The following IRAG2 variants were observed in gnomAD, a reference collection of about 807,000 sequenced individuals.
The protein encoded by IRAG2 is inositol 1,4,5-triphosphate receptor associated 2.
A neutral mutation model predicts 69.9 loss-of-function variants in IRAG2; 45 were observed. That is an observed-to-expected ratio of 0.64 (90% CI 0.51 to 0.83). IRAG2 has a LOEUF of 0.83. Ranked by LOEUF, IRAG2 falls within the 40% of genes least tolerant of loss-of-function variation. IRAG2 has a pLI of 0.00. For synonymous variants in IRAG2, 193 were observed against 202.4 expected (o/e 0.95, Z 0.40); for missense variants, 520 against 587.0 (o/e 0.89, Z 1.18).
intron 2 of IRAG2, chr12:25,011,328 C>G (rs1944473147): frequency 1.6e-6 from 2 of 1,228,712 alleles, no homozygotes; most frequent in South Asian, 4.1e-5. Flanking sequence ...AAAAATATAA[C>G]TTTTCTGTCT....
chr12:25,015,088 G>GAAAAAAAAAAAAAAAAAAAAAAAAAAACA, intron 3 of IRAG2: 1 of 50,218 alleles, frequency 2.0e-5, no homozygotes, highest in Non-Finnish European at 3.3e-5. Context: ...GCATAAATCT[G>GAAAAAAAAAAAAAAAAAAAAAAAAAAACA]AAAAAAAAAA....
At chr12:25,039,983 C>T (rs891693421) in intron 16 of IRAG2, among the ~76,000 whole-genome samples, 3 of 152,306 alleles carry the variant, frequency 2.0e-5, no homozygotes, top group African/African-American at 7.2e-5. Flanking sequence ...GGGATTCAGA[C>T]CTAGTTCTGT....
intron 16 of IRAG2, among the ~76,000 whole-genome samples, chr12:25,042,613 G>A (rs533864169): frequency 2.4e-4 from 37 of 151,898 alleles, no homozygotes; most frequent in Non-Finnish European, 4.4e-4. Context: ...CTACAGGCAC[G>A]TGCCACCATG....
At chr12:25,100,015 A>AAAAAAAAAAAAAAAAAAAAAAG (rs1175416844) in intron 15 of IRAG2, among the ~76,000 whole-genome samples, 1 of 150,192 alleles carries the variant, frequency 6.7e-6, no homozygotes, top group Non-Finnish European at 1.5e-5. Context: ...AAAAAAAAAA[A>AAAAAAAAAAAAAAAAAAAAAAG]AAAAAAAAAA....
chr12:25,045,289 C>A (rs1591936844), intron 16 of IRAG2, among the ~76,000 whole-genome samples: 1 of 151,918 alleles, frequency 6.6e-6, no homozygotes, highest in East Asian at 1.9e-4. Flanking sequence ...AACACTTATA[C>A]TAAAAAAGAA....
chr12:25,049,121 A>G (rs966737943), upstream of IRAG2, among the ~76,000 whole-genome samples: 3 of 152,188 alleles, frequency 2.0e-5, no homozygotes, highest in Admixed American at 2.0e-4. Flanking sequence ...TTTTTGTACC[A>G]GTACCATGCT....
At chr12:25,013,866 CTTTTTTTTTTTTTT>C (rs71063386) in intron 3 of IRAG2, among the ~76,000 whole-genome samples, 2 of 79,530 alleles carry the variant, frequency 2.5e-5, no homozygotes, top group Admixed American at 3.7e-4. Flanking sequence ...TTTTCTTTTT[CTTTTTTTTTTTTTT>C]TTTTTTTTTT....
chr12:25,070,503 G>A (rs1159796029), intron 6 of IRAG2, among the ~76,000 whole-genome samples: 1 of 152,190 alleles, frequency 6.6e-6, no homozygotes, highest in Non-Finnish European at 1.5e-5. Flanking sequence ...ATATTCCACT[G>A]TATAGATACA....
At chr12:25,018,127 T>C (rs1285062829) in intron 6 of IRAG2, among the ~76,000 whole-genome samples, 1 of 152,104 alleles carries the variant, frequency 6.6e-6, no homozygotes, top group Non-Finnish European at 1.5e-5. Flanking sequence ...TCTTTGGCTA[T>C]TAGGAATAAT....
rs144090681 is a variant in IRAG2, at chr12:25,083,099, C to T, written c.245-324C>T. Among the ~76,000 whole-genome samples the T allele has an allele frequency of 4.6e-5, 7 of 152,054 alleles. No individual in the cohort carries two copies. In the East Asian group the frequency reaches 5.8e-4, roughly 13 times the overall value. On this transcript the variant is annotated intron_variant, in intron 9 of 21. Transcript: ENST00000556887. The stretch of plus-strand genomic sequence containing the variant: ...CTAAGTTACCAATTGTTCATCCTTC[C>T]GCCCTCCACTTTCTATTATTGTACC...
intron 16 of IRAG2, among the ~76,000 whole-genome samples, chr12:25,043,305 G>A (rs11047780): frequency 3.3e-5 from 5 of 152,166 alleles, no homozygotes; most frequent in African/African-American, 1.2e-4. Flanking sequence ...GTGGGGAGGA[G>A]AATCAAACCA....
intron 10 of IRAG2, 150 bp from the exon 11 acceptor site, chr12:25,087,950 G>C (rs938331464): frequency 3.2e-6 from 2 of 619,986 alleles, no homozygotes; most frequent in African/African-American, 3.7e-5. Flanking sequence ...CTGTCTTCCA[G>C]GAAACTGGTC....
chr12:25,099,372 A>C (rs956580917), intron 15 of IRAG2, among the ~76,000 whole-genome samples: 1 of 152,182 alleles, frequency 6.6e-6, no homozygotes, highest in African/African-American at 2.4e-5. Context: ...GAGCTGGGGT[A>C]ATTCTCAACA....
chr12:25,108,016 T>C lies in IRAG2; in HGVS notation c.1456T>C (p.Trp486Arg). 1 of 1,614,060 alleles carries C rather than the reference T, an allele frequency of 6.2e-7. No individual in the cohort carries two copies. Among genetic ancestry groups the C allele is most frequent in the Non-Finnish European group, 8.5e-7 (1 of 1,179,944 alleles). The change falls in exon 22 of 22, where the codon TGG becomes CGG. Residue 486 changes from tryptophan to arginine, a missense_variant. Coordinates refer to ENST00000556887, the MANE Select transcript of IRAG2 (RefSeq NM_001366544.2). ...DSWTSLEHIL[W>R]PFTRLRHNGP... The stretch of plus-strand genomic sequence containing the variant: ...ATGGACGTCTCTAGAACATATCTTG[T>C]GGCCATTTACCAGACTCCGACACAA...
chr12:25,028,263 G>A (rs1259202872), intron 9 of IRAG2, among the ~76,000 whole-genome samples: 2 of 152,170 alleles, frequency 1.3e-5, no homozygotes, highest in Non-Finnish European at 2.9e-5. Flanking sequence ...CTGCCAGGCT[G>A]TGTTCAAAGT....
At chr12:25,062,541 A>G (rs1261062805) in intron 2 of IRAG2, among the ~76,000 whole-genome samples, 1 of 152,234 alleles carries the variant, frequency 6.6e-6, no homozygotes, top group African/African-American at 2.4e-5. Context: ...TTGCATCTCT[A>G]ACAAGCTTCT....
intron 19 of IRAG2, 67 bp from the exon 20 acceptor site, chr12:25,104,294 G>C: frequency 9.1e-7 from 1 of 1,100,344 alleles, no homozygotes; most frequent in Non-Finnish European, 1.4e-6. Flanking sequence ...TTAAGCAGTA[G>C]GAAATAAATT....
At chr12:25,087,792 T>C (rs1018662653) in intron 10 of IRAG2, among the ~76,000 whole-genome samples, 2 of 152,098 alleles carry the variant, frequency 1.3e-5, no homozygotes, top group Non-Finnish European at 2.9e-5. Flanking sequence ...AAATCAGTGG[T>C]GGCATTAGAT....
chr12:25,013,365 C>T (rs979575093), intron 3 of IRAG2, among the ~76,000 whole-genome samples: 3 of 152,116 alleles, frequency 2.0e-5, no homozygotes, highest in African/African-American at 7.2e-5. Flanking sequence ...GTAGTCCAGG[C>T]TACTTGTGAG....
Sources: gnomAD v4.1 joint callset for allele counts (sites outside exome capture counted in the v4.1 genomes callset) on GRCh38, gnomAD v4.1.1 for gene constraint, MANE v1.5 for transcripts, NCBI Gene and HGNC (gene_info 2026-07-23, HGNC 2026-07-21) for gene names.